The following SOX6 variants were observed in gnomAD, a reference collection of about 807,000 sequenced individuals.
SOX6 encodes SRY-box transcription factor 6.
SOX6 carries 11 observed loss-of-function variants against 97.8 expected under a neutral mutation model. The ratio of observed to expected loss-of-function variants is 0.11; its 90% CI spans 0.07 to 0.19. The LOEUF (loss-of-function observed/expected upper bound fraction) is 0.19. Among genes scored for constraint, SOX6 ranks in the 10% least tolerant of loss-of-function variants. The probability of loss-of-function intolerance (pLI) is 1.00; values close to 1 mark genes in which losing one functional copy is unlikely to be tolerated. For synonymous variants in SOX6, 360 were observed against 371.4 expected, an observed-to-expected ratio of 0.97 and a Z score of 0.35; for missense variants, 810 against 1,039.5, an observed-to-expected ratio of 0.78 and a Z score of 3.04.
chr11:16,110,991 G>A (rs951330621), intron 7 of SOX6, among the ~76,000 whole-genome samples: 1 of 152,172 alleles, frequency 6.6e-6, no homozygotes, highest in Non-Finnish European at 1.5e-5. Flanking sequence ...TTAATGAGTA[G>A]AACAAGGTCA....
chr11:15,998,482 T>C (rs1370164319), intron 13 of SOX6, among the ~76,000 whole-genome samples: 1 of 109,198 alleles, frequency 9.2e-6, no homozygotes, highest in African/African-American at 2.7e-5. Context: ...CTCAATATTG[T>C]TACAATGTGA....
intron 6 of SOX6, among the ~76,000 whole-genome samples, chr11:16,137,866 C>G (rs1353884351): frequency 6.6e-6 from 1 of 152,166 alleles, no homozygotes; most frequent in Non-Finnish European, 1.5e-5. Context: ...GAGCTTCCCC[C>G]TTCGCTGGGC....
chr11:16,014,966 G>A lies in SOX6; in HGVS notation c.1708C>T (p.Leu570Phe). ...CCCTCTGCATCTTCTGGCCGAGTAA[G>A]GTCGATGACACCTGGGCCCAGTTTT... ...DGKLGPGVIDLTRPEDAEGSK... is the reference protein window; with the variant it reads ...DGKLGPGVIDFTRPEDAEGSK... The change falls in exon 13 of 16, where the codon CTT (leucine) becomes TTT (phenylalanine). Residue 570 changes from leucine to phenylalanine, a missense_variant. Physicochemically the swap from Leu to Phe is conservative, Grantham distance 22 (BLOSUM62 0). Transcript: ENST00000683767. 6.2e-7 allele frequency: 1 copy of A among 1,612,902 alleles called. No individual in the cohort carries two copies. Among genetic ancestry groups the A allele is most frequent in the Non-Finnish European group, 8.5e-7 (1 of 1,179,284 alleles).
chr11:16,185,471 C>T (rs1489335953), intron 5 of SOX6, among the ~76,000 whole-genome samples: 1 of 152,176 alleles, frequency 6.6e-6, no homozygotes, highest in African/African-American at 2.4e-5. Context: ...CACCACAGTG[C>T]AATTACTATC....
chr11:16,166,643 A>C (rs531238060), intron 6 of SOX6, among the ~76,000 whole-genome samples: 3 of 152,322 alleles, frequency 2.0e-5, no homozygotes, highest in African/African-American at 7.2e-5. Flanking sequence ...TGTGCTATTT[A>C]AAAGGCCCAA....
intron 4 of SOX6, among the ~76,000 whole-genome samples, chr11:16,204,251 A>G (rs1325429980): frequency 6.6e-6 from 1 of 152,152 alleles, no homozygotes; most frequent in Non-Finnish European, 1.5e-5. Context: ...TTCCACTTCA[A>G]AACATCCAAT....
At chr11:16,003,330 G>A (rs1375589660) in intron 13 of SOX6, among the ~76,000 whole-genome samples, 1 of 151,878 alleles carries the variant, frequency 6.6e-6, no homozygotes, top group African/African-American at 2.4e-5. Context: ...TGGCCATCTT[G>A]CAATCACTCA....
At chr11:16,702,462 C>A (rs1848101790) in intron 3 of SOX6, among the ~76,000 whole-genome samples, 1 of 152,054 alleles carries the variant, frequency 6.6e-6, no homozygotes, top group Admixed American at 6.6e-5. Context: ...ATAAAGCATG[C>A]ATCCATGTAC....
At chr11:16,719,576 C>T (rs962868947) in intron 2 of SOX6, among the ~76,000 whole-genome samples, 2 of 152,124 alleles carry the variant, frequency 1.3e-5, no homozygotes, top group Non-Finnish European at 2.9e-5. Context: ...TTTTCTGTAC[C>T]TTGATATAAT....
chr11:16,165,692 G>A (rs938990615), intron 6 of SOX6, among the ~76,000 whole-genome samples: 3 of 152,132 alleles, frequency 2.0e-5, no homozygotes, highest in African/African-American at 7.2e-5. Flanking sequence ...GAGGTCAGGA[G>A]TTCAAGACCA....
At chr11:16,144,806 G>A (rs1316917826) in intron 6 of SOX6, among the ~76,000 whole-genome samples, 2 of 152,092 alleles carry the variant, frequency 1.3e-5, no homozygotes, top group Non-Finnish European at 2.9e-5. Flanking sequence ...CCCAGAAGAA[G>A]TTGAATCCCT....
At chr11:15,989,749 A>G (rs1440423605) in intron 13 of SOX6, among the ~76,000 whole-genome samples, 1 of 152,160 alleles carries the variant, frequency 6.6e-6, no homozygotes, top group Non-Finnish European at 1.5e-5. Context: ...AATTAATTCA[A>G]TGAAAAATAT....
intron 1 of SOX6, chr11:16,382,462 G>C (rs1262387742): frequency 6.6e-6 from 1 of 152,000 alleles, no homozygotes; most frequent in Non-Finnish European, 1.5e-5. Context: ...CAGAGGGAGG[G>C]AGAATAATTT....
chr11:16,624,614 T>G (rs533611377), intron 3 of SOX6, among the ~76,000 whole-genome samples: 1 of 152,240 alleles, frequency 6.6e-6, no homozygotes, highest in Non-Finnish European at 1.5e-5. Context: ...TACAAATGTT[T>G]TTGTAAACAT....
chr11:16,152,559 A>T (rs1390320623), intron 6 of SOX6, among the ~76,000 whole-genome samples: 1 of 152,202 alleles, frequency 6.6e-6, no homozygotes, highest in Non-Finnish European at 1.5e-5. Flanking sequence ...CCATTAATAC[A>T]GGCTACTGAT....
intron 3 of SOX6, among the ~76,000 whole-genome samples, chr11:16,635,610 A>C (rs574046238): frequency 6.6e-5 from 10 of 152,244 alleles, no homozygotes; most frequent in Non-Finnish European, 1.5e-4. Flanking sequence ...AGAAATCTGC[A>C]TAAGTAAGAA....
At chr11:16,583,618 T>TATATATATATACACACACAC (rs777859840) in intron 4 of SOX6, among the ~76,000 whole-genome samples, 6 of 126,012 alleles carry the variant, frequency 4.8e-5, no homozygotes, top group Admixed American at 8.1e-5. Flanking sequence ...TATATACATA[T>TATATATATATACACACACAC]ATATATATAT....
At chr11:16,507,988 C>T (rs1860817743) in intron 4 of SOX6, among the ~76,000 whole-genome samples, 1 of 151,932 alleles carries the variant, frequency 6.6e-6, no homozygotes, top group Admixed American at 6.6e-5. Flanking sequence ...AGTAATCTGA[C>T]AATGGACCAA....
At chr11:16,166,535 G>A (rs1222220289) in intron 6 of SOX6, among the ~76,000 whole-genome samples, 1 of 152,154 alleles carries the variant, frequency 6.6e-6, no homozygotes, top group East Asian at 1.9e-4. Flanking sequence ...GGCATGTTGG[G>A]AATACAAAAA....
Sources: gnomAD v4.1 joint callset for allele counts (sites outside exome capture counted in the v4.1 genomes callset) on GRCh38, gnomAD v4.1.1 for gene constraint, MANE v1.5 for transcripts, NCBI Gene and HGNC (gene_info 2026-07-23, HGNC 2026-07-21) for gene names.